Variants in TYW1 observed in about 807,000 individuals in gnomAD.
TYW1 encodes tRNA-yW synthesizing protein 1 homolog, also known as S-adenosyl-L-methionine-dependent tRNA 4-demethylwyosine synthase TYW1.
In TYW1, 46 loss-of-function variants were observed where a neutral mutation model predicts 96.2. The ratio of observed to expected loss-of-function variants is 0.48; its 90% CI spans 0.38 to 0.61. TYW1 has a LOEUF of 0.61. TYW1 is among the 20% of genes least tolerant of loss of function. The probability of loss-of-function intolerance (pLI) is 0.00; values close to 1 mark genes in which losing one functional copy is unlikely to be tolerated. For missense variants in TYW1, 684 were observed against 909.6 expected (o/e 0.75, Z 3.19); for synonymous variants, 274 against 323.0 (o/e 0.85, Z 1.63).
intron 13 of TYW1, among the ~76,000 whole-genome samples, chr7:67,144,062 A>G (rs1029474904): frequency 7.9e-5 from 12 of 152,224 alleles, no homozygotes; most frequent in South Asian, 2.1e-4. Context: ...GTTTAATGAA[A>G]TTTTATATAG....
chr7:67,014,844 C>T (rs1793961449), intron 5 of TYW1, among the ~76,000 whole-genome samples: 1 of 151,442 alleles, frequency 6.6e-6, no homozygotes, highest in Non-Finnish European at 1.5e-5. Context: ...TTTCTCCTGC[C>T]TCAACCTCCC....
intron 15 of TYW1, among the ~76,000 whole-genome samples, chr7:67,235,657 C>T (rs7778900): frequency 0.27 from 40,705 of 151,744 alleles, 5,822 homozygotes; most frequent in African/African-American, 0.36. Flanking sequence ...TTTGGGAGGC[C>T]GAGATGGGCG....
intron 7 of TYW1, among the ~76,000 whole-genome samples, chr7:67,025,937 A>G (rs543066069): frequency 3.7e-4 from 56 of 152,260 alleles, no homozygotes; most frequent in African/African-American, 1.2e-3. Flanking sequence ...GAACTCAGTA[A>G]GGTTAGCAGG....
chr7:67,138,249 T>G (rs1453506958), intron 13 of TYW1, among the ~76,000 whole-genome samples: 1 of 152,168 alleles, frequency 6.6e-6, no homozygotes. Flanking sequence ...GTTTATTCTC[T>G]AGACCAGAAA....
chr7:67,143,462 A>G (rs1463268354), intron 13 of TYW1, among the ~76,000 whole-genome samples: 1 of 152,200 alleles, frequency 6.6e-6, no homozygotes, highest in African/African-American at 2.4e-5. Flanking sequence ...ATAGGGAGTT[A>G]GAAGTAAGCT....
chr7:67,187,138 A>ACTG (rs1800054481), intron 14 of TYW1, among the ~76,000 whole-genome samples: 1 of 140,430 alleles, frequency 7.1e-6, no homozygotes, highest in Non-Finnish European at 1.5e-5. Context: ...ATCTCGGTTC[A>ACTG]CTGCAACCGC....
chr7:67,027,580 G>C (rs539040756), intron 7 of TYW1, among the ~76,000 whole-genome samples: 84 of 152,218 alleles, frequency 5.5e-4, no homozygotes, highest in African/African-American at 1.9e-3. Context: ...GGAACTATTT[G>C]CCTCTTATAT....
intron 10 of TYW1, among the ~76,000 whole-genome samples, chr7:67,076,775 CTTT>C (rs543408648): frequency 4.9e-5 from 6 of 123,564 alleles, no homozygotes; most frequent in Non-Finnish European, 3.4e-5. Context: ...TGCACTCAGC[CTTT>C]TTTTTTTTTT....
intron 7 of TYW1, among the ~76,000 whole-genome samples, chr7:67,035,558 A>G (rs1794809853): frequency 6.6e-6 from 1 of 152,160 alleles, no homozygotes; most frequent in Non-Finnish European, 1.5e-5. Flanking sequence ...TTTGCTAGAA[A>G]AACGCACAGA....
chr7:67,113,838 C>T (rs1014780213), intron 12 of TYW1, among the ~76,000 whole-genome samples: 4 of 151,996 alleles, frequency 2.6e-5, no homozygotes, highest in Admixed American at 1.3e-4. Context: ...GGGGTTTCAC[C>T]ATGTTGGCCA....
intron 10 of TYW1, among the ~76,000 whole-genome samples, chr7:67,076,061 C>T (rs1023886016): frequency 1.3e-5 from 2 of 152,212 alleles, no homozygotes; most frequent in African/African-American, 4.8e-5. Context: ...TATTCCTCTT[C>T]TTTATTCGGA....
chr7:67,032,218 A>T (rs1019586378), intron 7 of TYW1, among the ~76,000 whole-genome samples: 3 of 151,842 alleles, frequency 2.0e-5, no homozygotes, highest in Non-Finnish European at 4.4e-5. Flanking sequence ...TTTTTATTTT[A>T]TTTTTTTTGG....
In TYW1 at chr7:67,055,878, G is replaced by C; in HGVS notation, c.1146G>C (p.Arg382Ser). Residue 382 changes from arginine (R) to serine (S), a missense_variant, in exon 9 of 16, where the codon AGG (arginine) becomes AGC (serine). Arg to Ser is a moderately radical substitution (Grantham distance 110). Transcript: ENST00000359626. ...GCCACTCGGGGGTGAAGCTTTGCAG[G>C]TGGACAAAGGTATTTTTTTTGTTTT... ...IGSHSGVKLC[R>S]WTKSMLRGRG... 5.6e-6 allele frequency: 9 copies of C among 1,612,514 alleles called. No homozygotes were observed. The highest frequency in any genetic ancestry group is 7.6e-6 in the Non-Finnish European group (9 of 1,179,232).
chr7:67,047,619 G>A (rs1795225536), intron 7 of TYW1, among the ~76,000 whole-genome samples: 1 of 149,392 alleles, frequency 6.7e-6, no homozygotes, highest in Admixed American at 6.7e-5. Flanking sequence ...CTGACTTTTA[G>A]GACAGATAGG....
chr7:67,200,271 A>C, intron 15 of TYW1, among the ~76,000 whole-genome samples: 1 of 152,084 alleles, frequency 6.6e-6, no homozygotes, highest in East Asian at 1.9e-4. Flanking sequence ...TGAGAATACA[A>C]AGATGAGTAA....
At chr7:67,051,029 C>T (rs1288918045) in intron 8 of TYW1, among the ~76,000 whole-genome samples, 2 of 151,938 alleles carry the variant, frequency 1.3e-5, no homozygotes, top group Non-Finnish European at 2.9e-5. Context: ...GCAGCTGGGA[C>T]TAGAGACATA....
At chr7:67,104,785 G>A (rs1483947987) in intron 12 of TYW1, among the ~76,000 whole-genome samples, 4 of 152,248 alleles carry the variant, frequency 2.6e-5, no homozygotes, top group Non-Finnish European at 5.9e-5. Flanking sequence ...CACACTTCAT[G>A]TTAATAGGCC....
chr7:67,145,325 A>AT (rs1358786672), intron 13 of TYW1, among the ~76,000 whole-genome samples: 2 of 150,946 alleles, frequency 1.3e-5, no homozygotes, highest in Non-Finnish European at 3.0e-5. Flanking sequence ...ATTTTTTTGT[A>AT]TTTTTAATAG....
At chr7:67,006,489 G>T (rs534819218) in intron 3 of TYW1, among the ~76,000 whole-genome samples, 1 of 140,848 alleles carries the variant, frequency 7.1e-6, no homozygotes, top group African/African-American at 2.7e-5. Flanking sequence ...GCCCAGGCTG[G>T]AGTGCAGTGG....
Sources: allele counts gnomAD v4.1 joint callset (sites outside exome capture counted in the v4.1 genomes callset), GRCh38; gene constraint gnomAD v4.1.1; transcripts MANE v1.5; gene names NCBI Gene and HGNC (gene_info 2026-07-23, HGNC 2026-07-21).